PGBD5: variants seen among roughly 807,000 people sequenced by gnomAD.
PGBD5 encodes the protein piggyBac transposable element derived 5.
PGBD5 carries 14 observed loss-of-function variants against 47.9 expected under a neutral mutation model. The observed-to-expected ratio is 0.29, with a 90% CI of 0.19 to 0.46. The LOEUF (loss-of-function observed/expected upper bound fraction) is 0.46, where lower values mean the gene tolerates loss of function less well. Among genes scored for constraint, PGBD5 ranks in the 20% least tolerant of loss-of-function variants. PGBD5 has a pLI of 1.00. For synonymous variants in PGBD5, 316 were observed against 306.3 expected, an observed-to-expected ratio of 1.03 and a Z score of -0.33; for missense variants, 635 against 716.0, an observed-to-expected ratio of 0.89 and a Z score of 1.29.
chr1:230,407,333 T>G (rs1208449041), intron 1 of PGBD5, among the ~76,000 whole-genome samples: 2 of 152,220 alleles, frequency 1.3e-5, no homozygotes, highest in East Asian at 1.9e-4. Context: ...ATTATCATTT[T>G]CAGTAGTTAG....
intron 1 of PGBD5, chr1:230,368,263 T>TA: frequency 8.3e-7 from 1 of 1,211,540 alleles, no homozygotes; most frequent in South Asian, 1.5e-5. Context: ...AATAAATTCT[T>TA]AGAAATGTGT....
intron 3 of PGBD5, among the ~76,000 whole-genome samples, chr1:230,346,775 C>T (rs562901026): frequency 7.9e-5 from 12 of 152,174 alleles, no homozygotes; most frequent in African/African-American, 1.7e-4. Context: ...AGTCCTGCGA[C>T]GTACAGACAC....
intron 5 of PGBD5, among the ~76,000 whole-genome samples, chr1:230,326,678 G>A (rs1473361366): frequency 6.6e-6 from 1 of 152,036 alleles, no homozygotes; most frequent in Non-Finnish European, 1.5e-5. Context: ...GTCTCACCAT[G>A]TTGCCTAGGC....
intron 1 of PGBD5, among the ~76,000 whole-genome samples, chr1:230,368,529 G>A (rs1298740540): frequency 2.6e-5 from 4 of 152,374 alleles, no homozygotes; most frequent in South Asian, 2.1e-4. Context: ...CCCCTGGGGC[G>A]CCTCTTGCGG....
intron 3 of PGBD5, among the ~76,000 whole-genome samples, chr1:230,343,982 G>A (rs1015888475): frequency 8.5e-5 from 13 of 152,172 alleles, no homozygotes; most frequent in Admixed American, 2.0e-4. Flanking sequence ...ACATAGCCTA[G>A]TGGTTAAGAA....
At chr1:230,356,041 C>T (rs537679686) in intron 2 of PGBD5, among the ~76,000 whole-genome samples, 1 of 152,186 alleles carries the variant, frequency 6.6e-6, no homozygotes, top group African/African-American at 2.4e-5. Context: ...AGAAGCAGCA[C>T]AGGACAGAGA....
At chr1:230,394,821 C>T (rs1410654329) in intron 1 of PGBD5, among the ~76,000 whole-genome samples, 1 of 131,534 alleles carries the variant, frequency 7.6e-6, no homozygotes, top group Admixed American at 7.4e-5. Context: ...CCTCACGCTC[C>T]TCCCTATCCC....
chr1:230,348,777 G>C (rs1319129454), intron 3 of PGBD5, among the ~76,000 whole-genome samples: 1 of 150,170 alleles, frequency 6.7e-6, no homozygotes, highest in East Asian at 2.0e-4. Context: ...GTTGGACCTA[G>C]GAACAAAGAG....
chr1:230,323,720 G>A lies in PGBD5; in HGVS notation c.1380-100C>T. 2 of 1,217,590 alleles carry A rather than the reference G, an allele frequency of 1.6e-6. No individual in the cohort carries two copies. Among genetic ancestry groups the A allele is most frequent in the Non-Finnish European group, 2.3e-6 (2 of 865,402 alleles). The allele number at this position is 1,217,590 out of a possible 1,614,324, so 75.4% of individuals were successfully genotyped here. On this transcript the variant is annotated intron_variant, in intron 6 of 6. Transcript: ENST00000391860. This position sits in a 1 kb window ranked among gnomAD's most constrained non-coding sequence, Gnocchi z 4.1. ...TCACCACAGCCCGTGAGACGCTGCA[G>A]GTTCGCCCCCGACAGAAGCAGGAGG... is the stretch of plus-strand genomic sequence containing the variant.
rs1364257465 is a variant in PGBD5, at chr1:230,317,401, A to G, written c.*6024T>C. On this transcript the variant is annotated 3_prime_UTR_variant, in exon 7 of 7. Transcript: ENST00000391860. ...GGGGGACCGATGGTTGTCAGCTCCC[A>G]GGGCAATGCTGAGGACTCAGCAAAG... is the stretch of plus-strand genomic sequence containing the variant. The G allele has an allele frequency of 1.3e-5, 2 of 152,240 alleles. No individual in the cohort carries two copies. The highest frequency in any genetic ancestry group is 4.8e-5 in the African/African-American group (2 of 41,460). 9.4% of individuals were successfully genotyped at this position (152,240 alleles called of 1,614,324 possible).
rs1667050160 is a variant in PGBD5, at chr1:230,322,529, G to A, written c.*896C>T. On this transcript the variant is annotated 3_prime_UTR_variant, in exon 7 of 7. Coordinates refer to ENST00000391860, the MANE Select transcript of PGBD5 (RefSeq NM_001258311.2). The surrounding 1 kb of genome is among the most constrained non-coding windows in gnomAD (Gnocchi z 5.9). ...TCTGCGACAAAGCTTAGGGCCCGCGGGCTCCCCATGCGCCTCGTGGAGAGC... is the reference window on the plus strand; with the variant it reads ...TCTGCGACAAAGCTTAGGGCCCGCGAGCTCCCCATGCGCCTCGTGGAGAGC... 1 of 152,676 alleles carries A rather than the reference G, an allele frequency of 6.5e-6. No individual in the cohort carries two copies. Among genetic ancestry groups the A allele is most frequent in the African/African-American group, 2.4e-5 (1 of 41,474 alleles). The allele number at this position is 152,676 out of a possible 1,614,324, so 9.5% of individuals were successfully genotyped here.
chr1:230,417,277 T>A (rs1362935296), intron 1 of PGBD5, among the ~76,000 whole-genome samples: 2 of 152,084 alleles, frequency 1.3e-5, no homozygotes, highest in African/African-American at 4.8e-5. Flanking sequence ...TTTTCCCTCC[T>A]CCTTCCTTAA....
At chr1:230,375,362 A>G (rs1175053888) in intron 1 of PGBD5, among the ~76,000 whole-genome samples, 2 of 152,144 alleles carry the variant, frequency 1.3e-5, no homozygotes, top group African/African-American at 4.8e-5. Context: ...CCCTGATTAG[A>G]GGGGAGTTTA....
At chr1:230,349,044 C>A (rs1233450153) in intron 3 of PGBD5, among the ~76,000 whole-genome samples, 1 of 152,186 alleles carries the variant, frequency 6.6e-6, no homozygotes, top group Admixed American at 6.5e-5. Flanking sequence ...TTCAAGGTAC[C>A]AACCCAAACT....
At chr1:230,401,771 T>G (rs1657144274) in intron 1 of PGBD5, among the ~76,000 whole-genome samples, 1 of 152,108 alleles carries the variant, frequency 6.6e-6, no homozygotes, top group Non-Finnish European at 1.5e-5. Flanking sequence ...CTGGGGTTGG[T>G]TTTCTCCTGC....
At position 230,393,844 on chromosome 1, in the gene PGBD5, AT is replaced by A. The variant is rs66813899; in HGVS notation, c.331+31753del. Among the ~76,000 whole-genome samples, 957 of 148,196 alleles carry A rather than the reference AT, an allele frequency of 6.5e-3. 12 individuals are homozygous for A. Among genetic ancestry groups the A allele is most frequent in the African/African-American group, 0.022 (891 of 40,366 alleles). ...CGTCTCAAAAAAAAAAAAAAAAAAAATAATAGGCCCGGGGCCCGCCAGTCCA... is the reference window on the plus strand; with the variant it reads ...CGTCTCAAAAAAAAAAAAAAAAAAAAAATAGGCCCGGGGCCCGCCAGTCCA... On this transcript the variant is annotated intron_variant, in intron 1 of 6. Coordinates refer to ENST00000391860, the MANE Select transcript of PGBD5 (RefSeq NM_001258311.2).
At chr1:230,333,114 C>A (rs987504419) in intron 4 of PGBD5, 73 bp from the exon 5 acceptor site, 17 of 1,477,328 alleles carry the variant, frequency 1.2e-5, no homozygotes, top group Non-Finnish European at 1.4e-5. Context: ...GCCCTGGGCA[C>A]CCCCAAGGAA....
intron 3 of PGBD5, among the ~76,000 whole-genome samples, chr1:230,349,916 C>T (rs1408016232): frequency 6.6e-6 from 1 of 152,242 alleles, no homozygotes; most frequent in African/African-American, 2.4e-5. Context: ...CCCAACTCAA[C>T]CTGAAGGTCC....
intron 5 of PGBD5, among the ~76,000 whole-genome samples, chr1:230,331,535 G>C (rs547488821): frequency 6.6e-6 from 1 of 152,270 alleles, no homozygotes; most frequent in African/African-American, 2.4e-5. Flanking sequence ...GAGTCTGGAA[G>C]TTCAACCCAA....
Sources: gnomAD v4.1 joint callset for allele counts (sites outside exome capture counted in the v4.1 genomes callset) on GRCh38, gnomAD v4.1.1 for gene constraint, Gnocchi (gnomAD v3.1) non-coding constraint, MANE v1.5 for transcripts, NCBI Gene and HGNC (gene_info 2026-07-23, HGNC 2026-07-21) for gene names.